The following GLIS3 variants were observed in gnomAD, a reference collection of about 807,000 sequenced individuals.
GLIS3 encodes zinc finger protein GLIS3.
GLIS3 carries 53 observed loss-of-function variants against 78.6 expected under a neutral mutation model. The observed-to-expected ratio is 0.67, with a 90% CI of 0.54 to 0.85. GLIS3 has a LOEUF of 0.85. Among genes scored for constraint, GLIS3 ranks in the 40% least tolerant of loss-of-function variants. The pLI, the probability that GLIS3 is intolerant of heterozygous loss-of-function variation, is 0.00. For synonymous variants in GLIS3, 684 were observed against 509.9 expected, an observed-to-expected ratio of 1.34 and a Z score of -4.60; for missense variants, 1,703 against 1,231.1, an observed-to-expected ratio of 1.38 and a Z score of -5.74.
intron 2 of GLIS3, among the ~76,000 whole-genome samples, chr9:4,156,130 CTTGA>C (rs1340589443): frequency 6.6e-6 from 1 of 152,142 alleles, no homozygotes; most frequent in Non-Finnish European, 1.5e-5. Context: ...GGCCATTCCT[CTTGA>C]TTGACAACTC....
chr9:4,424,300 G>A, the GLIS3 span, among the ~76,000 whole-genome samples: 5 of 152,010 alleles, frequency 3.3e-5, no homozygotes, highest in African/African-American at 1.2e-4. Flanking sequence ...AGTCTCTATG[G>A]GCGTCTGTTT....
At chr9:4,139,346 T>C (rs1833634923) in intron 2 of GLIS3, among the ~76,000 whole-genome samples, 2 of 152,174 alleles carry the variant, frequency 1.3e-5, no homozygotes, top group Admixed American at 1.3e-4. Context: ...AGGTAATGAA[T>C]ACAACTTTTA....
intron 4 of GLIS3, among the ~76,000 whole-genome samples, chr9:3,945,609 A>T (rs1417813744): frequency 6.6e-6 from 1 of 152,214 alleles, no homozygotes; most frequent in African/African-American, 2.4e-5. Flanking sequence ...ATATATAAAA[A>T]TGAGATGGCT....
chr9:4,467,688 A>C, the GLIS3 span, among the ~76,000 whole-genome samples: 1 of 152,184 alleles, frequency 6.6e-6, no homozygotes, highest in Non-Finnish European at 1.5e-5. Context: ...GAGAAACCAA[A>C]ACAGAAAAGC....
At chr9:3,852,380 A>C (rs1013461619) in intron 9 of GLIS3, among the ~76,000 whole-genome samples, 6 of 152,204 alleles carry the variant, frequency 3.9e-5, no homozygotes, top group Non-Finnish European at 5.9e-5. Context: ...AGAGAGAACA[A>C]ACACTCACTT....
chr9:4,035,253 G>A (rs1824205156), intron 4 of GLIS3, among the ~76,000 whole-genome samples: 1 of 152,000 alleles, frequency 6.6e-6, no homozygotes, highest in South Asian at 2.1e-4. Flanking sequence ...ATTAAGACTT[G>A]GATTACTTGT....
intron 2 of GLIS3, among the ~76,000 whole-genome samples, chr9:4,227,576 C>T (rs887978538): frequency 3.3e-5 from 5 of 152,090 alleles, no homozygotes; most frequent in Non-Finnish European, 7.3e-5. Context: ...GCAAGAGTGA[C>T]TTGAATCCTG....
intron 1 of GLIS3, among the ~76,000 whole-genome samples, chr9:4,295,078 G>T (rs1490980516): frequency 6.6e-6 from 1 of 152,080 alleles, no homozygotes; most frequent in African/African-American, 2.4e-5. Flanking sequence ...CATTCTTCTG[G>T]GTAGGCATGT....
intron 2 of GLIS3, among the ~76,000 whole-genome samples, chr9:4,262,193 A>G (rs1311741465): frequency 1.3e-5 from 2 of 152,096 alleles, no homozygotes; most frequent in African/African-American, 4.8e-5. Flanking sequence ...GGAGACGGAA[A>G]ACTCTCCGGC....
intron 4 of GLIS3, among the ~76,000 whole-genome samples, chr9:4,054,807 C>T (rs1019222108): frequency 6.6e-6 from 1 of 151,042 alleles, no homozygotes; most frequent in Non-Finnish European, 1.5e-5. Context: ...TTGAGCAAAA[C>T]ACTTGAGAAA....
At chr9:4,210,117 T>C (rs1023825430) in intron 2 of GLIS3, among the ~76,000 whole-genome samples, 10 of 152,270 alleles carry the variant, frequency 6.6e-5, no homozygotes, top group Non-Finnish European at 1.3e-4. Flanking sequence ...GAATAAAAGA[T>C]GCTTTCTTCA....
chr9:3,965,714 G>A (rs761639676), intron 4 of GLIS3, among the ~76,000 whole-genome samples: 1 of 152,196 alleles, frequency 6.6e-6, no homozygotes, highest in African/African-American at 2.4e-5. Flanking sequence ...ATTTGCAGCA[G>A]GCAGTGATCT....
intron 2 of GLIS3, among the ~76,000 whole-genome samples, chr9:4,162,920 A>G (rs924387646): frequency 7.4e-6 from 1 of 134,544 alleles, no homozygotes; most frequent in African/African-American, 2.5e-5. Context: ...AAATACCTAC[A>G]CAGCCACCTC....
chr9:4,345,325 C>T (rs531139384), intron 2 of GLIS3, among the ~76,000 whole-genome samples: 2 of 152,158 alleles, frequency 1.3e-5, no homozygotes, highest in African/African-American at 2.4e-5. Flanking sequence ...TCTATAATGA[C>T]CCCACTTAAT....
At chr9:4,203,824 G>A (rs1431108761) in intron 2 of GLIS3, among the ~76,000 whole-genome samples, 1 of 152,182 alleles carries the variant, frequency 6.6e-6, no homozygotes, top group Non-Finnish European at 1.5e-5. Context: ...GATGCAGCTG[G>A]AGGCCATTAT....
At chr9:4,367,633 CAAAAAAAAA>C in the GLIS3 span, among the ~76,000 whole-genome samples, 12 of 62,000 alleles carry the variant, frequency 1.9e-4, no homozygotes, top group East Asian at 6.3e-4. Flanking sequence ...GACTCCATCT[CAAAAAAAAA>C]AAAAAAAAAA....
chr9:4,367,559 G>A, the GLIS3 span, among the ~76,000 whole-genome samples: 41 of 147,212 alleles, frequency 2.8e-4, no homozygotes, highest in African/African-American at 9.5e-4. Flanking sequence ...GCTTGAACCC[G>A]GAATGTGGAA....
chr9:4,273,619 A>ATAAG (rs1170626800), intron 2 of GLIS3, among the ~76,000 whole-genome samples: 7 of 148,864 alleles, frequency 4.7e-5, no homozygotes, highest in Admixed American at 4.0e-4. Context: ...AAATAAATAA[A>ATAAG]TAAATAAATA....
chr9:4,079,355 G>T (rs1828350606), intron 4 of GLIS3, among the ~76,000 whole-genome samples: 1 of 152,196 alleles, frequency 6.6e-6, no homozygotes, highest in Non-Finnish European at 1.5e-5. Flanking sequence ...CTAGGAAAAA[G>T]ACTGTCTTGT....
Sources: allele counts gnomAD v4.1 joint callset (sites outside exome capture counted in the v4.1 genomes callset), GRCh38; gene constraint gnomAD v4.1.1; transcripts MANE v1.5; gene names NCBI Gene and HGNC (gene_info 2026-07-23, HGNC 2026-07-21).